The following WIZ variants were observed in gnomAD, a reference collection of about 807,000 sequenced individuals.
The protein encoded by WIZ is protein Wiz.
In WIZ, 25 loss-of-function variants were observed where a neutral mutation model predicts 140.2. That is an observed-to-expected ratio of 0.18 (90% confidence interval 0.13 to 0.25). WIZ has a LOEUF of 0.25. Ranked by LOEUF, WIZ falls within the 10% of genes least tolerant of loss-of-function variation. The probability of loss-of-function intolerance (pLI) is 1.00; values close to 1 mark genes in which losing one functional copy is unlikely to be tolerated. For missense variants in WIZ, 2,231 were observed against 2,632.6 expected (o/e 0.85, Z 3.34); for synonymous variants, 1,125 against 1,154.3 (o/e 0.97, Z 0.51).
At chr19:15,429,348 T>C (rs995988763) in intron 7 of WIZ, among the ~76,000 whole-genome samples, 1 of 152,070 alleles carries the variant, frequency 6.6e-6, no homozygotes, top group African/African-American at 2.4e-5. Flanking sequence ...TCAGCCGCAG[T>C]GAGGCTTTCA....
intron 3 of WIZ, among the ~76,000 whole-genome samples, chr19:15,441,614 T>C (rs1472760903): frequency 6.6e-6 from 1 of 152,112 alleles, no homozygotes; most frequent in African/African-American, 2.4e-5. Context: ...TGAGATCGGT[T>C]CTCCCTTCCT....
intron 2 of WIZ, among the ~76,000 whole-genome samples, chr19:15,443,642 G>T (rs1969819902): frequency 6.6e-6 from 1 of 152,132 alleles, no homozygotes; most frequent in Non-Finnish European, 1.5e-5. Context: ...TTCTTTCTTA[G>T]AACTTTCTGA....
rs771592494 is a variant in WIZ at position 15,448,342 on chromosome 19, C to T, written c.-35G>A. ...TCTGCTTGGATCCACTCAGCTGCTG[C>T]ACCGGCTCAGCGGGGCATTGTGGGC... On this transcript the variant is annotated 5_prime_UTR_variant, in exon 2 of 13. Coordinates refer to ENST00000673675, the MANE Select transcript of WIZ (RefSeq NM_001371589.1). 2.5e-6 allele frequency: 4 copies of T among 1,606,734 alleles called. No homozygotes were observed. The Admixed American group carries it at 5.0e-5, about 20-fold the overall frequency.
chr19:15,424,386 G>A lies in WIZ; in HGVS notation c.5315-8C>T. On this transcript the variant is annotated splice_polypyrimidine_tract_variant and splice_region_variant and intron_variant, in intron 11 of 12. Transcript: ENST00000673675. This position sits in a 1 kb window ranked among gnomAD's most constrained non-coding sequence, Gnocchi z 9.7. ...CTTGTCGGCGTTCAAATTCTAAGGT[G>A]GAGAGGGGGACGGGAGATGAGTGGG... 2 of 1,600,604 alleles carry A rather than the reference G, an allele frequency of 1.2e-6. No homozygotes were observed. Among genetic ancestry groups the A allele is most frequent in the Non-Finnish European group, 1.7e-6 (2 of 1,176,540 alleles).
Position 15,427,674 on chromosome 19 carries a change from G to A in WIZ, c.3815-141C>T. On this transcript the variant is annotated intron_variant, in intron 8 of 12. Coordinates refer to ENST00000673675, the MANE Select transcript of WIZ (RefSeq NM_001371589.1). This position sits in a 1 kb window ranked among gnomAD's most constrained non-coding sequence, Gnocchi z 6.4. ...GGTGAGGGCAGGTGCAGGTAAGGGA[G>A]TGGAGGAGCGGGGCTGGGGGCCAGA... The A allele has an allele frequency of 1.0e-6, 1 of 962,852 alleles. No individual in the cohort carries two copies. Among genetic ancestry groups the A allele is most frequent in the Non-Finnish European group, 1.5e-6 (1 of 666,716 alleles). The allele number at this position is 962,852 out of a possible 1,614,324, so 59.6% of individuals were successfully genotyped here. A position where few individuals can be genotyped will look rare whatever the true frequency, so the allele number is the denominator to read the frequency against.
intron 7 of WIZ, 88 bp downstream of exon 7, chr19:15,429,498 T>G: frequency 3.1e-3 from 1,243 of 404,596 alleles, no homozygotes; most frequent in Non-Finnish European, 4.3e-3. Flanking sequence ...CCACCCACCC[T>G]GGGCCCTGTC....
At chr19:15,444,015 C>G (rs116890962) in intron 2 of WIZ, among the ~76,000 whole-genome samples, 2 of 152,170 alleles carry the variant, frequency 1.3e-5, no homozygotes, top group African/African-American at 4.8e-5. Flanking sequence ...ACTTGCCTGA[C>G]GTGGGTAAGC....
intron 5 of WIZ, chr19:15,433,269 A>G: frequency 1.0e-6 from 1 of 985,264 alleles, no homozygotes; most frequent in Non-Finnish European, 1.2e-6. Flanking sequence ...CCGGCAACAC[A>G]TTTCAATCAC....
chr19:15,434,542 G>A (rs1000849247), intron 5 of WIZ, among the ~76,000 whole-genome samples: 3 of 139,828 alleles, frequency 2.1e-5, no homozygotes, highest in East Asian at 4.2e-4. Flanking sequence ...CAGCCTGGGC[G>A]ACAGAGCGAT....
intron 5 of WIZ, among the ~76,000 whole-genome samples, chr19:15,434,951 C>A (rs892057742): frequency 1.3e-5 from 2 of 151,912 alleles, no homozygotes; most frequent in African/African-American, 4.8e-5. Flanking sequence ...GGGACATGGC[C>A]GGTGCGGTGG....
At position 15,425,757 on chromosome 19, in the gene WIZ, C is replaced by G. The variant is rs1272363000; in HGVS notation, c.4378G>C (p.Glu1460Gln). Residue 1460 changes from glutamate to glutamine, a missense_variant, in exon 10 of 13, where the codon GAG (glutamate) becomes CAG (glutamine). Physicochemically the swap from Glu to Gln is conservative, Grantham distance 29 (BLOSUM62 2). This residue lies in a region of WIZ where 393 missense variants were observed against 451.7 expected (regional missense o/e 0.87). Coordinates refer to ENST00000673675, the MANE Select transcript of WIZ (RefSeq NM_001371589.1). ...TCACAGCGGATGTCGCGCACCGGCT[C>G]TGCCCGGGACGCTGCAGGGGATCCA... The part of the protein sequence containing the change: ...MTPLNLSSRA[E>Q]PVRDIRCEFC... The G allele has an allele frequency of 6.4e-7, 1 of 1,572,542 alleles. No individual in the cohort carries two copies.
chr19:15,439,875 C>A lies in WIZ; in HGVS notation c.1119G>T (p.Leu373=). 6.6e-7 allele frequency: 1 copy of A among 1,525,914 alleles called. No homozygotes were observed. Among genetic ancestry groups the A allele is most frequent in the Non-Finnish European group, 8.8e-7 (1 of 1,141,516 alleles). 94.5% of individuals were successfully genotyped at this position (1,525,914 alleles called of 1,614,324 possible). A position where few individuals can be genotyped will look rare whatever the true frequency, so the allele number is the denominator to read the frequency against. The change falls in exon 4 of 13, where the codon CTG becomes CTT. Residue 373 remains leucine, a synonymous_variant. Transcript: ENST00000673675. This position sits in a 1 kb window ranked among gnomAD's most constrained non-coding sequence, Gnocchi z 7.0. ...TGATCTTCTCCCGGGAGGCCTGATGCAGCTGCCGGTGCTGCTCCAGGGCAG... is the reference window on the plus strand; with the variant it reads ...TGATCTTCTCCCGGGAGGCCTGATGAAGCTGCCGGTGCTGCTCCAGGGCAG... ...DPTALEQHRQ[L]HQASREKIIE...
At chr19:15,433,484 A>G in intron 5 of WIZ, 1 of 379,676 alleles carries the variant, frequency 2.6e-6, no homozygotes, top group Non-Finnish European at 3.6e-6. Flanking sequence ...CAAGGCTTCC[A>G]AGATCTTCCC....
rs748016240 is a variant in WIZ at position 15,437,036 on chromosome 19, C to T, written c.2510G>A (p.Arg837Gln). 7 of 1,613,646 alleles carry T rather than the reference C, an allele frequency of 4.3e-6. No homozygotes were observed. The highest frequency in any genetic ancestry group is 1.3e-5 in the African/African-American group (1 of 74,982). The stretch of plus-strand genomic sequence containing the variant: ...GATACCGAAGTCACGTAGGTGGGCC[C>T]GGGCGTGGCTGGAGAGGCCGGCCCG... The part of the protein sequence containing the change: ...DTRAGLSSHA[R>Q]AHLRDFGITN... The change falls in exon 5 of 13, where the codon CGG becomes CAG. Residue 837 changes from arginine (R) to glutamine (Q), a missense_variant. Coordinates refer to ENST00000673675, the MANE Select transcript of WIZ (RefSeq NM_001371589.1).
In WIZ at chr19:15,431,381, G is replaced by A. The variant is rs540967561; in HGVS notation, c.2741-199C>T. Among the ~76,000 whole-genome samples the A allele has an allele frequency of 6.6e-5, 10 of 152,346 alleles. No homozygotes were observed. The South Asian group carries it at 1.7e-3, about 25-fold the overall frequency. On this transcript the variant is annotated intron_variant, in intron 5 of 12. Coordinates refer to ENST00000673675, the MANE Select transcript of WIZ (RefSeq NM_001371589.1). ...ACTGAGGCTGCCACTGACAGCAGAC[G>A]CCAGCAGCTGCTTCCACACACTACA...
Position 15,438,956 on chromosome 19 carries a change from C to G in WIZ, c.2038G>C (p.Gly680Arg). ...GCCACGAGCACAATGGGTACCATCC[C>G]TCGGAGCTGCTGCTGCTGCCCCTGG... Reference protein sequence around the residue: ...ATQGQQQQLRGMVPIVLVAKL... With the variant: ...ATQGQQQQLRRMVPIVLVAKL... The change falls in exon 4 of 13, where the codon GGG becomes CGG. Residue 680 changes from glycine (G) to arginine (R), a missense_variant. Around this residue, in one of 15 missense-constraint regions of WIZ, gnomAD observed 475 missense variants for 520.2 expected, o/e 0.91. Transcript: ENST00000673675. 2 of 1,450,986 alleles carry G rather than the reference C, an allele frequency of 1.4e-6. No individual in the cohort carries two copies. Among genetic ancestry groups the G allele is most frequent in the Non-Finnish European group, 1.8e-6 (2 of 1,104,428 alleles). The allele number at this position is 1,450,986 out of a possible 1,614,324, so 89.9% of individuals were successfully genotyped here.
At position 15,425,724 on chromosome 19, in the gene WIZ, C is replaced by T. The variant is rs771820000; in HGVS notation, c.4411G>A (p.Gly1471Ser). 3.0e-5 allele frequency: 49 copies of T among 1,609,790 alleles called. 1 individual carries two copies. Among genetic ancestry groups the T allele is most frequent in the South Asian group, 2.8e-4 (25 of 90,894 alleles). The change falls in exon 10 of 13, where the codon GGC becomes AGC. Residue 1471 changes from glycine (G) to serine (S), a missense_variant. By Grantham distance (56) the Gly-to-Ser change is moderately conservative. Transcript: ENST00000673675. The part of the protein sequence containing the change: ...PVRDIRCEFC[G>S]EFFENRKGLS... ...CCCTTGCGGTTCTCGAAGAACTCGC[C>T]GCAGAACTCACAGCGGATGTCGCGC...
intron 6 of WIZ, 60 bp from the exon 7 acceptor site, chr19:15,430,149 G>T: frequency 2.1e-6 from 3 of 1,447,764 alleles, no homozygotes; most frequent in South Asian, 1.4e-5. Context: ...CAGCTCTCCC[G>T]CTTCTCCTCC....
intron 2 of WIZ, among the ~76,000 whole-genome samples, chr19:15,444,581 C>T (rs1969852572): frequency 6.6e-6 from 1 of 152,200 alleles, no homozygotes; most frequent in Admixed American, 6.5e-5. Context: ...GGCGAATCAC[C>T]CCCATTTGAG....
Sources: gnomAD v4.1 joint callset for allele counts (sites outside exome capture counted in the v4.1 genomes callset) on GRCh38, gnomAD v4.1.1 for gene constraint, gnomAD v4.1.1 regional missense constraint, Gnocchi (gnomAD v3.1) non-coding constraint, MANE v1.5 for transcripts, NCBI Gene and HGNC (gene_info 2026-07-23, HGNC 2026-07-21) for gene names.